VPS13D: variants seen among roughly 807,000 people sequenced by gnomAD.
VPS13D encodes vacuolar protein sorting 13 homolog D, also known as intermembrane lipid transfer protein VPS13D.
Under a neutral mutation model 461.9 loss-of-function variants are expected in VPS13D, and 187 were observed. The ratio of observed to expected loss-of-function variants is 0.40; its 90% confidence interval spans 0.36 to 0.46. The LOEUF is 0.46. Among genes scored for constraint, VPS13D ranks in the 20% least tolerant of loss-of-function variants. VPS13D has a pLI of 0.60. For missense variants in VPS13D, 4,711 were observed against 5,364.9 expected (o/e 0.88, Z 3.81); for synonymous variants, 1,951 against 1,986.3 (o/e 0.98, Z 0.47).
At position 12,230,078 on chromosome 1, in the gene VPS13D, C is replaced by T. The variant is rs1019135485; in HGVS notation, c.-119C>T. Reference sequence around the variant, plus strand: ...TTGAGGAGCGGCGGGGAGGAAACGCCGCGCAGCGCCGGGCTGGGGCGGGCG... The same window carrying T: ...TTGAGGAGCGGCGGGGAGGAAACGCTGCGCAGCGCCGGGCTGGGGCGGGCG... On this transcript the variant is annotated 5_prime_UTR_variant, in exon 1 of 70. Transcript: ENST00000620676. 6.6e-6 allele frequency: 1 copy of T among 151,890 alleles called. No individual in the cohort carries two copies. Among genetic ancestry groups the T allele is most frequent in the African/African-American group, 2.4e-5 (1 of 41,396 alleles). 9.4% of individuals were successfully genotyped at this position (151,890 alleles called of 1,614,324 possible).
intron 21 of VPS13D, among the ~76,000 whole-genome samples, chr1:12,287,624 G>C (rs1399933207): frequency 2.0e-5 from 3 of 152,132 alleles, no homozygotes; most frequent in African/African-American, 7.2e-5. Flanking sequence ...AGACATATAA[G>C]ATCTTTTTAA....
At chr1:12,312,052 T>C in intron 29 of VPS13D, 127 bp downstream of exon 29, 1 of 615,518 alleles carries the variant, frequency 1.6e-6, no homozygotes, top group Non-Finnish European at 2.6e-6. Flanking sequence ...GCAGAGTGTC[T>C]TTTGGTTGAT....
chr1:12,251,590 G>A (rs1048715838), intron 6 of VPS13D, among the ~76,000 whole-genome samples: 1 of 152,152 alleles, frequency 6.6e-6, no homozygotes, highest in African/African-American at 2.4e-5. Context: ...CCAGCTGAGA[G>A]TAACCACGTT....
intron 67 of VPS13D, among the ~76,000 whole-genome samples, chr1:12,496,369 A>G (rs1245065498): frequency 6.6e-6 from 1 of 152,230 alleles, no homozygotes; most frequent in African/African-American, 2.4e-5. Context: ...CCAGCTGTGC[A>G]TGGCCCATTG....
rs370127708 is a variant in VPS13D at position 12,412,393 on chromosome 1, T to C, written c.12031-2694T>C. Among the ~76,000 whole-genome samples the C allele has an allele frequency of 6.6e-5, 10 of 152,318 alleles. No individual in the cohort carries two copies. In the South Asian group the frequency reaches 1.0e-3, roughly 16 times the overall value. On this transcript the variant is annotated intron_variant, in intron 63 of 69. Transcript: ENST00000620676. ...GTACAAAGTTGGGGAGAGCTTACAC[T>C]ATTCGATTTCAGAAATTATTACAAG...
At chr1:12,300,023 A>G (rs143493057) in intron 25 of VPS13D, among the ~76,000 whole-genome samples, 3 of 151,028 alleles carry the variant, frequency 2.0e-5, no homozygotes, top group South Asian at 2.1e-4. Context: ...ATTCCCCCCA[A>G]CCCCCCGACT....
chr1:12,455,036 A>G (rs1645307805), intron 65 of VPS13D, among the ~76,000 whole-genome samples: 1 of 152,182 alleles, frequency 6.6e-6, no homozygotes, highest in African/African-American at 2.4e-5. Flanking sequence ...CCCAGCTTTG[A>G]TGGATGAGAC....
At chr1:12,416,097 T>G (rs1644790762) in intron 64 of VPS13D, among the ~76,000 whole-genome samples, 1 of 152,168 alleles carries the variant, frequency 6.6e-6, no homozygotes, top group Non-Finnish European at 1.5e-5. Flanking sequence ...GTAGGAGGAC[T>G]GCTTGAGCCC....
chr1:12,291,171 TG>T, intron 23 of VPS13D, 47 bp downstream of exon 23: 1 of 1,585,824 alleles, frequency 6.3e-7, no homozygotes, highest in Non-Finnish European at 8.6e-7. Context: ...TCATAATACT[TG>T]CTGTTTCAGA....
Position 12,349,887 on chromosome 1 carries a change from A to G in VPS13D, c.9431+513A>G, listed in dbSNP as rs78962713. Among the ~76,000 whole-genome samples the G allele has an allele frequency of 5.2e-3, 792 of 152,324 alleles. 7 individuals carry two copies. Among genetic ancestry groups the G allele is most frequent in the African/African-American group, 0.017 (717 of 41,564 alleles). Reference sequence around the variant, plus strand: ...TACTAGATTCAGTGTTGGAAATAATACTGGATTGCTATGTTACACCCTAAC... The same window carrying G: ...TACTAGATTCAGTGTTGGAAATAATGCTGGATTGCTATGTTACACCCTAAC... On this transcript the variant is annotated intron_variant, in intron 46 of 69. Transcript: ENST00000620676.
chr1:12,288,324 G>T lies in VPS13D; in HGVS notation c.5725+11G>T, dbSNP rs752655187. The T allele has an allele frequency of 1.1e-5, 17 of 1,613,102 alleles. No homozygotes were observed. The highest frequency in any genetic ancestry group is 1.3e-5 in the Non-Finnish European group (15 of 1,179,202). On this transcript the variant is annotated intron_variant, in intron 22 of 69. Transcript: ENST00000620676. ...ACCTGGAAATGATTGGTAAGTGGTG[G>T]GGGGTGGAGGGAAGCAAACTTGCAA...
At chr1:12,256,692 T>G (rs908139560) in intron 8 of VPS13D, among the ~76,000 whole-genome samples, 189 bp downstream of exon 8, 21 of 145,124 alleles carry the variant, frequency 1.4e-4, no homozygotes, top group Admixed American at 8.9e-4. Context: ...TCAGGTTAGT[T>G]TTTTTTTTTT....
At chr1:12,313,356 G>A (rs1390818904) in intron 29 of VPS13D, among the ~76,000 whole-genome samples, 3 of 147,576 alleles carry the variant, frequency 2.0e-5, no homozygotes, top group Non-Finnish European at 4.5e-5. Context: ...TGCCCAGGCG[G>A]GACTGCAGTG....
At chr1:12,388,642 G>T (rs1644381276) in intron 60 of VPS13D, among the ~76,000 whole-genome samples, 1 of 151,344 alleles carries the variant, frequency 6.6e-6, no homozygotes, top group South Asian at 2.1e-4. Context: ...AGAAAGCAGG[G>T]AAAGGAATAG....
chr1:12,261,014 A>G lies in VPS13D; in HGVS notation c.1279A>G (p.Ser427Gly), dbSNP rs1256238777. ...CPGAPEPGGG[S>G]GMLQYLQSWF... The stretch of plus-strand genomic sequence containing the variant: ...GGGAGCCCCAGAACCCGGTGGAGGC[A>G]GTGGGATGCTGCAGTATCTCCAGTC... Residue 427 changes from serine to glycine, a missense_variant, in exon 12 of 70, where the codon AGT becomes GGT. Physicochemically the swap from Ser to Gly is moderately conservative, Grantham distance 56. Around this residue, in one of 3 missense-constraint regions of VPS13D, gnomAD observed 4,411 missense variants for 4,937.8 expected, o/e 0.89. Transcript: ENST00000620676. 1.2e-6 allele frequency: 2 copies of G among 1,613,828 alleles called. No homozygotes were observed.
At chr1:12,235,451 C>G (rs566332354) in intron 2 of VPS13D, among the ~76,000 whole-genome samples, 1 of 152,092 alleles carries the variant, frequency 6.6e-6, no homozygotes, top group African/African-American at 2.4e-5. Context: ...TGGCGGGTGC[C>G]TGTAATCCCA....
chr1:12,506,907 T>C lies in VPS13D; in HGVS notation c.12849T>C (p.Ala4283=). The stretch of plus-strand genomic sequence containing the variant: ...ACTGCGTGCTCATCTCCTCCAAAGC[T>C]GTTTACTTCCTGAAAAGTGGAGACT... ...DSYCVLISSK[A]VYFLKSGDYV... Residue 4283 remains alanine, a synonymous_variant, in exon 69 of 70, where the codon GCT becomes GCC. Transcript: ENST00000620676. 1.2e-6 allele frequency: 2 copies of C among 1,614,262 alleles called. No individual in the cohort carries two copies. Among genetic ancestry groups the C allele is most frequent in the Non-Finnish European group, 8.5e-7 (1 of 1,180,054 alleles).
chr1:12,412,392 C>T (rs552016541), intron 63 of VPS13D, among the ~76,000 whole-genome samples: 2 of 152,168 alleles, frequency 1.3e-5, no homozygotes, highest in Non-Finnish European at 2.9e-5. Flanking sequence ...AGAGCTTACA[C>T]TATTCGATTT....
chr1:12,455,346 A>C (rs1470961149), intron 65 of VPS13D, among the ~76,000 whole-genome samples: 1 of 152,202 alleles, frequency 6.6e-6, no homozygotes, highest in African/African-American at 2.4e-5. Context: ...GAATTCCACT[A>C]ATTCTTAGAG....
Sources: gnomAD v4.1 joint callset for allele counts (sites outside exome capture counted in the v4.1 genomes callset) on GRCh38, gnomAD v4.1.1 for gene constraint, gnomAD v4.1.1 regional missense constraint, MANE v1.5 for transcripts, NCBI Gene and HGNC (gene_info 2026-07-23, HGNC 2026-07-21) for gene names.